The following UBE4B variants were observed in gnomAD, a reference collection of about 807,000 sequenced individuals.
UBE4B encodes ubiquitination factor E4B, also known as ubiquitin conjugation factor E4 B.
In UBE4B, 27 loss-of-function variants were observed where a neutral mutation model predicts 148.1. That is an observed-to-expected ratio of 0.18 (90% CI 0.13 to 0.25). UBE4B has a LOEUF of 0.25. Ranked by LOEUF, UBE4B falls within the 10% of genes least tolerant of loss-of-function variation. The probability of loss-of-function intolerance (pLI) is 1.00; values close to 1 mark genes in which losing one functional copy is unlikely to be tolerated. For synonymous variants in UBE4B, 596 were observed against 619.3 expected (o/e 0.96, Z 0.56); for missense variants, 1,170 against 1,662.4 (o/e 0.70, Z 5.15).
intron 16 of UBE4B, among the ~76,000 whole-genome samples, chr1:10,135,428 AC>A (rs1645663625): frequency 6.6e-6 from 1 of 151,986 alleles, no homozygotes; most frequent in Non-Finnish European, 1.5e-5. Flanking sequence ...CCGTGGTGAA[AC>A]CCCGTCTCTA....
chr1:10,121,874 G>T, intron 9 of UBE4B, 88 bp from the exon 10 acceptor site: 1 of 782,850 alleles, frequency 1.3e-6, no homozygotes, highest in South Asian at 2.1e-5. Context: ...TTTGACTTTT[G>T]ACTGGGCAGT....
chr1:10,076,247 CTTT>C (rs369214323), intron 2 of UBE4B, among the ~76,000 whole-genome samples: 11 of 131,630 alleles, frequency 8.4e-5, no homozygotes, highest in Non-Finnish European at 8.2e-5. Context: ...TTCTTTCTTT[CTTT>C]TTTTTTTTTT....
intron 2 of UBE4B, among the ~76,000 whole-genome samples, chr1:10,074,469 G>T (rs7538285): frequency 2.0e-5 from 3 of 151,772 alleles, no homozygotes; most frequent in Non-Finnish European, 4.4e-5. Context: ...CAAAACCTTT[G>T]CAGCAGAACT....
Position 10,126,868 on chromosome 1 carries a change from C to A in UBE4B, c.1629C>A (p.Tyr543Ter). 6.2e-7 allele frequency: 1 copy of A among 1,613,596 alleles called. No individual in the cohort carries two copies. Among genetic ancestry groups the A allele is most frequent in the Non-Finnish European group, 8.5e-7 (1 of 1,179,590 alleles). ...CCCTCGACAGTGACTACTTTAAATA[C>A]CCCCTCATGGTAAAACTTTGTTCTT... ...ECSLDSDYFKYPLMALGELCE... is the reference protein window; with the variant it reads ...ECSLDSDYFK Residue 543 changes from tyrosine (Y) to a stop codon, truncating the protein, a stop_gained, in exon 11 of 28, where the codon TAC becomes TAA. Coordinates refer to ENST00000343090, the MANE Select transcript of UBE4B (RefSeq NM_001105562.3). LOFTEE classifies it high-confidence loss of function.
Position 10,180,092 on chromosome 1 carries a change from G to T in UBE4B, c.*136G>T. The T allele has an allele frequency of 9.7e-7, 1 of 1,034,612 alleles. No homozygotes were observed. The highest frequency in any genetic ancestry group is 1.4e-6 in the Non-Finnish European group (1 of 696,616). 64.1% of individuals were successfully genotyped at this position (1,034,612 alleles called of 1,614,324 possible). ...CCAACCCCAGGCCCACCCAGAGCGA[G>T]CAAACGCTGAGACCTGAAAGGACAT... On this transcript the variant is annotated 3_prime_UTR_variant, in exon 28 of 28. Transcript: ENST00000343090.
At chr1:10,128,262 T>C (rs1645534146) in intron 11 of UBE4B, 1 of 152,224 alleles carries the variant, frequency 6.6e-6, no homozygotes, top group African/African-American at 2.4e-5. Flanking sequence ...CACCAAAATG[T>C]CCTTTTGTTC....
intron 3 of UBE4B, 71 bp downstream of exon 3, chr1:10,095,667 C>T (rs1644919016): frequency 6.9e-6 from 11 of 1,587,160 alleles, no homozygotes; most frequent in Non-Finnish European, 9.5e-6. Flanking sequence ...ACTTTAGCCT[C>T]TAGTCCATAG....
At chr1:10,113,231 CTT>C (rs765028845) in intron 7 of UBE4B, among the ~76,000 whole-genome samples, 2 of 152,140 alleles carry the variant, frequency 1.3e-5, no homozygotes, top group African/African-American at 2.4e-5. Flanking sequence ...GTCCCAGACT[CTT>C]TTAAACAACC....
chr1:10,148,072 A>G (rs998290973), intron 19 of UBE4B, among the ~76,000 whole-genome samples: 2 of 152,048 alleles, frequency 1.3e-5, no homozygotes, highest in African/African-American at 4.8e-5. Context: ...CTAAAAATAC[A>G]AAAAATTAGC....
intron 12 of UBE4B, 148 bp from the exon 13 acceptor site, chr1:10,130,352 A>C: frequency 7.0e-6 from 5 of 716,690 alleles, no homozygotes; most frequent in Non-Finnish European, 1.2e-5. Context: ...AAGTGCTGGG[A>C]TTACAGGCGT....
intron 17 of UBE4B, among the ~76,000 whole-genome samples, chr1:10,142,197 A>C (rs1469085756): frequency 6.6e-6 from 1 of 152,146 alleles, no homozygotes; most frequent in East Asian, 1.9e-4. Flanking sequence ...TATCTTCACC[A>C]TGCAGCCCAA....
intron 2 of UBE4B, among the ~76,000 whole-genome samples, chr1:10,076,533 C>T (rs569635723): frequency 1.3e-5 from 2 of 152,088 alleles, no homozygotes; most frequent in Non-Finnish European, 2.9e-5. Flanking sequence ...CGTGAGCTAC[C>T]ACGCCTGGCC....
chr1:10,147,137 C>T, intron 19 of UBE4B, 47 bp downstream of exon 19: 1 of 1,611,914 alleles, frequency 6.2e-7, no homozygotes, highest in Non-Finnish European at 8.5e-7. Flanking sequence ...TGGCTGGGCT[C>T]TGTTGTCTTT....
At chr1:10,124,057 G>A (rs985226672) in intron 10 of UBE4B, among the ~76,000 whole-genome samples, 3 of 152,196 alleles carry the variant, frequency 2.0e-5, no homozygotes, top group Admixed American at 6.5e-5. Flanking sequence ...TTACAGGCAT[G>A]AGCCAGCACA....
intron 1 of UBE4B, among the ~76,000 whole-genome samples, chr1:10,067,320 G>A (rs1644407252): frequency 6.6e-6 from 1 of 152,104 alleles, no homozygotes; most frequent in South Asian, 2.1e-4. Flanking sequence ...TTCATGATTA[G>A]TATGTGTGGC....
chr1:10,065,351 G>T (rs1363696666), intron 1 of UBE4B, among the ~76,000 whole-genome samples: 2 of 152,170 alleles, frequency 1.3e-5, no homozygotes, highest in African/African-American at 4.8e-5. Context: ...GGAGGAGCAT[G>T]CGGGGGAGGA....
chr1:10,130,220 G>A (rs971176425), intron 12 of UBE4B, among the ~76,000 whole-genome samples: 2 of 151,988 alleles, frequency 1.3e-5, no homozygotes, highest in Admixed American at 6.6e-5. Context: ...GATTACAGGC[G>A]CACACCACCA....
chr1:10,174,019 G>A (rs1375324980), intron 25 of UBE4B, among the ~76,000 whole-genome samples: 4 of 152,218 alleles, frequency 2.6e-5, no homozygotes, highest in Non-Finnish European at 5.9e-5. Flanking sequence ...GGGGCTCCTT[G>A]AATGTCTAAA....
At chr1:10,067,546 G>C (rs1451656835) in intron 1 of UBE4B, among the ~76,000 whole-genome samples, 1 of 151,998 alleles carries the variant, frequency 6.6e-6, no homozygotes, top group Non-Finnish European at 1.5e-5. Context: ...CTATTTTTTG[G>C]TGTGTATCTC....
Sources: allele counts gnomAD v4.1 joint callset (sites outside exome capture counted in the v4.1 genomes callset), GRCh38; gene constraint gnomAD v4.1.1; transcripts MANE v1.5; gene names NCBI Gene and HGNC (gene_info 2026-07-23, HGNC 2026-07-21).